Variants in PCBP3 observed in about 807,000 individuals in gnomAD.
The protein encoded by PCBP3 is poly(rC) binding protein 3.
Under a neutral mutation model 52.7 loss-of-function variants are expected in PCBP3, and 25 were observed. The ratio of observed to expected loss-of-function variants is 0.47; its 90% CI spans 0.35 to 0.66. The LOEUF is 0.66. Among genes scored for constraint, PCBP3 ranks in the 30% least tolerant of loss-of-function variants. The pLI, the probability that PCBP3 is intolerant of heterozygous loss-of-function variation, is 0.01. For missense variants in PCBP3, 391 were observed against 490.3 expected, an observed-to-expected ratio of 0.80 and a Z score of 1.91; for synonymous variants, 162 against 183.0, an observed-to-expected ratio of 0.89 and a Z score of 0.93.
chr21:45,903,649 C>CA (rs1418141929), intron 9 of PCBP3, among the ~76,000 whole-genome samples: 2 of 152,132 alleles, frequency 1.3e-5, no homozygotes, highest in African/African-American at 4.8e-5. Context: ...GAAAAGGGAC[C>CA]ATCAACAGAG....
At chr21:45,929,688 AC>A (rs1379404319) in intron 13 of PCBP3, among the ~76,000 whole-genome samples, 1 of 152,200 alleles carries the variant, frequency 6.6e-6, no homozygotes, top group African/African-American at 2.4e-5. Context: ...GGGAGAGAAG[AC>A]AGCGGCTTCC....
At chr21:45,875,730 C>T (rs577127843) in intron 5 of PCBP3, among the ~76,000 whole-genome samples, 16 of 152,388 alleles carry the variant, frequency 1.0e-4, no homozygotes, top group African/African-American at 3.6e-4. Flanking sequence ...GCAGCCTCTC[C>T]TCCTCATGCC....
chr21:45,650,353 A>T (rs975241699), intron 1 of PCBP3, among the ~76,000 whole-genome samples: 3 of 152,156 alleles, frequency 2.0e-5, no homozygotes, highest in African/African-American at 7.2e-5. Flanking sequence ...GGATTTTGGC[A>T]TATATATTCA....
intron 2 of PCBP3, among the ~76,000 whole-genome samples, chr21:45,734,431 C>T (rs2085698483): frequency 6.6e-6 from 1 of 152,224 alleles, no homozygotes; most frequent in Admixed American, 6.5e-5. Flanking sequence ...TTCTGGTACT[C>T]TGCCCTCTAA....
rs1029556793 is a variant in PCBP3, at chr21:45,741,739, C to T, written c.-162+6310C>T. ...AAATTGATGAACCTCAGGCCCTGAG[C>T]TCCCTTGCTTGCCCTGCTCCTGCCA... On this transcript the variant is annotated intron_variant, in intron 3 of 17. Coordinates refer to ENST00000681687, the MANE Select transcript of PCBP3 (RefSeq NM_001384156.1). This position sits in a 1 kb window ranked among gnomAD's most constrained non-coding sequence, Gnocchi z 4.5. Among the ~76,000 whole-genome samples the T allele has an allele frequency of 6.6e-6, 1 of 152,160 alleles. No homozygotes were observed. Among genetic ancestry groups the T allele is most frequent in the East Asian group, 1.9e-4 (1 of 5,186 alleles).
intron 4 of PCBP3, chr21:45,832,727 C>T (rs986045743): frequency 6.6e-6 from 1 of 152,250 alleles, no homozygotes; most frequent in Non-Finnish European, 1.5e-5. Context: ...AGTTCGTTTT[C>T]ACACTGCTAT....
chr21:45,816,175 A>C (rs948337760), intron 4 of PCBP3, among the ~76,000 whole-genome samples: 8 of 151,596 alleles, frequency 5.3e-5, no homozygotes, highest in Admixed American at 6.6e-5. Context: ...CCAGGACATT[A>C]CTGTGCACTG....
chr21:45,918,068 C>T (rs1372743510), intron 13 of PCBP3: 2 of 266,792 alleles, frequency 7.5e-6, no homozygotes, highest in South Asian at 4.3e-5. Flanking sequence ...AAATTAACTC[C>T]CCCTTTCAGA....
At chr21:45,895,951 G>A (rs1337292463) in intron 5 of PCBP3, among the ~76,000 whole-genome samples, 4 of 152,228 alleles carry the variant, frequency 2.6e-5, no homozygotes, top group African/African-American at 7.2e-5. Context: ...TGCAGACCTC[G>A]GCCAGGGGCT....
At chr21:45,655,948 G>A (rs546311828) in intron 1 of PCBP3, among the ~76,000 whole-genome samples, 10 of 152,274 alleles carry the variant, frequency 6.6e-5, no homozygotes, top group African/African-American at 1.4e-4. Flanking sequence ...ATGAGATACC[G>A]TCTCACACCA....
intron 2 of PCBP3, among the ~76,000 whole-genome samples, chr21:45,680,561 T>C (rs1428700883): frequency 6.6e-6 from 1 of 152,254 alleles, no homozygotes; most frequent in Non-Finnish European, 1.5e-5. Context: ...TCTTTAGTTT[T>C]ATGACATTGC....
Position 45,800,015 on chromosome 21 carries a change from C to T in PCBP3, c.-126+44563C>T, listed in dbSNP as rs1174605696. On this transcript the variant is annotated intron_variant, in intron 4 of 17. Transcript: ENST00000681687. This position sits in a 1 kb window ranked among gnomAD's most constrained non-coding sequence, Gnocchi z 5.3. ...TGTCGGGGAGGGTCCTCTCAGCTCC[C>T]GCGCCCTCTGCCCACAGCTTGTTCT... 6.6e-6 allele frequency among the ~76,000 whole-genome samples: 1 copy of T among 152,094 alleles called. No homozygotes were observed. Among genetic ancestry groups the T allele is most frequent in the Non-Finnish European group, 1.5e-5 (1 of 68,014 alleles).
chr21:45,777,413 C>T (rs1391885798), intron 4 of PCBP3, among the ~76,000 whole-genome samples: 1 of 152,038 alleles, frequency 6.6e-6, no homozygotes, highest in Non-Finnish European at 1.5e-5. Context: ...TTTTGCATTG[C>T]GTCTGCCTGG....
intron 4 of PCBP3, among the ~76,000 whole-genome samples, chr21:45,776,424 A>T (rs1381421459): frequency 1.3e-5 from 2 of 150,630 alleles, no homozygotes; most frequent in Admixed American, 6.6e-5. Context: ...CTGTTTTTGT[A>T]CTTGAGTCTC....
Position 45,939,936 on chromosome 21 carries a change from G to C in PCBP3, c.910-94G>C, listed in dbSNP as rs545134268. ...CTTGGGGCAGAGTCCAAGGCTGGCG[G>C]CCCGTCCCACCGGCCCCCTCGGGCG... On this transcript the variant is annotated intron_variant, in intron 16 of 17. Transcript: ENST00000681687. 75 of 1,162,938 alleles carry C rather than the reference G, an allele frequency of 6.4e-5. No homozygotes were observed. The African/African-American group carries it at 9.7e-4, about 15-fold the overall frequency. 72.0% of individuals were successfully genotyped at this position (1,162,938 alleles called of 1,614,324 possible).
chr21:45,823,449 C>T (rs2093207914), intron 4 of PCBP3, among the ~76,000 whole-genome samples: 1 of 152,192 alleles, frequency 6.6e-6, no homozygotes, highest in Admixed American at 6.5e-5. Flanking sequence ...ACCCCCTTGA[C>T]CTCCCACCCC....
At chr21:45,754,289 A>G (rs2087822550) in intron 3 of PCBP3, among the ~76,000 whole-genome samples, 1 of 152,220 alleles carries the variant, frequency 6.6e-6, no homozygotes, top group Non-Finnish European at 1.5e-5. Flanking sequence ...CCCAGTAAAA[A>G]AATTAATGCT....
chr21:45,930,682 C>T lies in PCBP3; in HGVS notation c.797-104C>T, dbSNP rs910310849. On this transcript the variant is annotated intron_variant, in intron 14 of 17. Transcript: ENST00000681687. ...TGCCTGTGGCTGTGGCCAGAGAGAGCGCCGGTGCGTGCGCCAGTCATATTT... is the reference window on the plus strand; with the variant it reads ...TGCCTGTGGCTGTGGCCAGAGAGAGTGCCGGTGCGTGCGCCAGTCATATTT... 1.3e-5 allele frequency: 8 copies of T among 624,544 alleles called. No homozygotes were observed. The East Asian group carries it at 1.4e-4, about 11-fold the overall frequency. 38.7% of individuals were successfully genotyped at this position (624,544 alleles called of 1,614,324 possible).
At chr21:45,783,578 C>T (rs1185442286) in intron 4 of PCBP3, among the ~76,000 whole-genome samples, 1 of 152,090 alleles carries the variant, frequency 6.6e-6, no homozygotes, top group East Asian at 1.9e-4. Flanking sequence ...AGAGGCACAG[C>T]GCACAGCGGA....
Sources: allele counts gnomAD v4.1 joint callset (sites outside exome capture counted in the v4.1 genomes callset), GRCh38; gene constraint gnomAD v4.1.1; non-coding constraint Gnocchi (gnomAD v3.1); transcripts MANE v1.5; gene names NCBI Gene and HGNC (gene_info 2026-07-23, HGNC 2026-07-21).